Variants in ADARB2 observed in about 807,000 individuals in gnomAD.
ADARB2 encodes the protein inactive double-stranded RNA-specific editase B2.
ADARB2 carries 25 observed loss-of-function variants against 62.2 expected under a neutral mutation model. That is an observed-to-expected ratio of 0.40 (90% CI 0.29 to 0.56). ADARB2 has a LOEUF of 0.56. ADARB2 is among the 20% of genes least tolerant of loss of function. The pLI is 0.43. For missense variants in ADARB2, 1,071 were observed against 1,077.4 expected (o/e 0.99, Z 0.08); for synonymous variants, 572 against 500.8 (o/e 1.14, Z -1.90).
rs574488921 is a variant in ADARB2 at position 1,319,766 on chromosome 10, G to A, written c.1077+43262C>T. 4.6e-5 allele frequency among the ~76,000 whole-genome samples: 7 copies of A among 152,278 alleles called. No individual in the cohort carries two copies. In the South Asian group the frequency reaches 1.5e-3, roughly 32 times the overall value. Reference sequence around the variant, plus strand: ...TACCTTAGCTTGTACTTACTTCCTGGAACATGACTTCTGGGAATTAGACAG... The same window carrying A: ...TACCTTAGCTTGTACTTACTTCCTGAAACATGACTTCTGGGAATTAGACAG... On this transcript the variant is annotated intron_variant, in intron 3 of 9. Transcript: ENST00000381312.
At chr10:1,256,314 A>G (rs917815478) in intron 4 of ADARB2, among the ~76,000 whole-genome samples, 9 of 152,200 alleles carry the variant, frequency 5.9e-5, no homozygotes, top group African/African-American at 1.4e-4. Context: ...GACCAAAAGA[A>G]GTCTGTGGGA....
At chr10:1,663,126 T>C (rs1378010195) in intron 1 of ADARB2, among the ~76,000 whole-genome samples, 1 of 152,204 alleles carries the variant, frequency 6.6e-6, no homozygotes, top group East Asian at 1.9e-4. Flanking sequence ...ATTAAAGTAT[T>C]TTAAAAGTGA....
chr10:1,256,304 G>A (rs1831078858), intron 4 of ADARB2, among the ~76,000 whole-genome samples: 1 of 152,164 alleles, frequency 6.6e-6, no homozygotes, highest in Non-Finnish European at 1.5e-5. Context: ...GCAAAATCCT[G>A]ACCAAAAGAA....
intron 1 of ADARB2, among the ~76,000 whole-genome samples, chr10:1,666,944 G>A (rs779633143): frequency 5.3e-5 from 8 of 152,090 alleles, no homozygotes; most frequent in Non-Finnish European, 1.2e-4. Context: ...GTCTGTTTAC[G>A]TACTTTCAGA....
intron 1 of ADARB2, among the ~76,000 whole-genome samples, chr10:1,493,544 C>T (rs10903467): frequency 0.36 from 54,974 of 151,712 alleles, 10,395 homozygotes; most frequent in Non-Finnish European, 0.42. Flanking sequence ...ATTCATGGTC[C>T]TCTTGCTGAT....
chr10:1,435,008 A>C (rs1304087397), intron 1 of ADARB2, among the ~76,000 whole-genome samples: 2 of 152,232 alleles, frequency 1.3e-5, no homozygotes, highest in Non-Finnish European at 2.9e-5. Context: ...GAACAAGGGC[A>C]CTTGGGCTCA....
At chr10:1,218,711 G>T (rs538621041) in intron 6 of ADARB2, among the ~76,000 whole-genome samples, 27 of 152,234 alleles carry the variant, frequency 1.8e-4, no homozygotes, top group Admixed American at 1.6e-3. Context: ...TGCTGTCCTC[G>T]TGGCAGTGAA....
At chr10:1,409,573 G>A (rs1229210801) in intron 1 of ADARB2, among the ~76,000 whole-genome samples, 1 of 150,366 alleles carries the variant, frequency 6.7e-6, no homozygotes, top group Non-Finnish European at 1.5e-5. Flanking sequence ...GTGGTCATAG[G>A]GAAGGATTCT....
At chr10:1,220,385 GTGA>G (rs555827905) in intron 6 of ADARB2, among the ~76,000 whole-genome samples, 393 of 151,086 alleles carry the variant, frequency 2.6e-3, no homozygotes, top group Non-Finnish European at 4.4e-3. Context: ...GATGGTGGTG[GTGA>G]TGATGGTGAT....
intron 1 of ADARB2, among the ~76,000 whole-genome samples, chr10:1,483,872 C>T (rs914453123): frequency 1.3e-5 from 2 of 152,186 alleles, no homozygotes; most frequent in East Asian, 1.9e-4. Flanking sequence ...AAATATGACA[C>T]GGAAGTAACT....
chr10:1,737,303 G>GTC lies in ADARB2; in HGVS notation c.-155_-154dup, dbSNP rs920898096. ...AGGACTGAGCAGGAAAGCGCGCTCC[G>GTC]TCTCTCTGTCTCTCGAATTGTTCTC... On this transcript the variant is annotated 5_prime_UTR_variant, in exon 1 of 10. Transcript: ENST00000381312. 1.0e-5 allele frequency: 7 copies of GTC among 682,486 alleles called. No individual in the cohort carries two copies. The African/African-American group carries it at 1.3e-4, about 12-fold the overall frequency. 42.3% of individuals were successfully genotyped at this position (682,486 alleles called of 1,614,324 possible).
chr10:1,549,540 G>A (rs566784155), intron 1 of ADARB2, among the ~76,000 whole-genome samples: 1 of 152,216 alleles, frequency 6.6e-6, no homozygotes, highest in East Asian at 1.9e-4. Flanking sequence ...ATTGTGCTAA[G>A]AGAAGACGCT....
intron 3 of ADARB2, among the ~76,000 whole-genome samples, chr10:1,277,481 C>T (rs1456304836): frequency 4.4e-4 from 67 of 152,226 alleles, no homozygotes; most frequent in Middle Eastern, 6.8e-3. Context: ...AACACCTCTA[C>T]GCAAATAAAC....
chr10:1,489,371 C>T (rs541555519), intron 1 of ADARB2, among the ~76,000 whole-genome samples: 1 of 151,790 alleles, frequency 6.6e-6, no homozygotes, highest in African/African-American at 2.4e-5. Flanking sequence ...AAGGCGTGAC[C>T]GTGCCTTTCT....
intron 1 of ADARB2, among the ~76,000 whole-genome samples, chr10:1,647,813 T>C (rs535708213): frequency 4.6e-5 from 7 of 151,926 alleles, no homozygotes; most frequent in Admixed American, 3.9e-4. Flanking sequence ...TGTGTGTGTG[T>C]ATGCATGTGT....
At chr10:1,385,862 T>C (rs1365870749) in intron 1 of ADARB2, among the ~76,000 whole-genome samples, 4 of 151,954 alleles carry the variant, frequency 2.6e-5, no homozygotes, top group Non-Finnish European at 5.9e-5. Flanking sequence ...AAACAAAAGA[T>C]AGGGAAAGTA....
chr10:1,286,791 C>G (rs932284600), intron 3 of ADARB2, among the ~76,000 whole-genome samples: 1 of 152,174 alleles, frequency 6.6e-6, no homozygotes, highest in African/African-American at 2.4e-5. Flanking sequence ...TCCGTAGGAA[C>G]AGTGCTGGTG....
intron 1 of ADARB2, chr10:1,675,313 G>A (rs10903540): frequency 0.92 from 74,146 of 80,626 alleles, 34,799 homozygotes; most frequent in Admixed American, 0.97. Flanking sequence ...GTTTGGGTTC[G>A]GGGATGCATG....
rs201789467 is a variant in ADARB2, at chr10:1,636,189, AC to A, written c.100+100861del. ...GACATAAAGCAAGGCTGGGAGAAAAACCAAAACTGGTCTAGGCAGACTGACT... is the reference window on the plus strand; with the variant it reads ...GACATAAAGCAAGGCTGGGAGAAAAACAAAACTGGTCTAGGCAGACTGACT... On this transcript the variant is annotated intron_variant, in intron 1 of 9. Transcript: ENST00000381312. Among the ~76,000 whole-genome samples the A allele has an allele frequency of 7.2e-3, 1,090 of 152,198 alleles. 6 individuals carry two copies. The highest frequency in any genetic ancestry group is 0.024 in the Middle Eastern group (7 of 294).
Sources: allele counts gnomAD v4.1 joint callset (sites outside exome capture counted in the v4.1 genomes callset), GRCh38; gene constraint gnomAD v4.1.1; transcripts MANE v1.5; gene names NCBI Gene and HGNC (gene_info 2026-07-23, HGNC 2026-07-21).